Variants in LRP1B observed in about 807,000 individuals in gnomAD.
LRP1B encodes low-density lipoprotein receptor-related protein 1B.
LRP1B carries 217 observed loss-of-function variants against 556.6 expected under a neutral mutation model. The observed-to-expected ratio is 0.39, with a 90% confidence interval of 0.35 to 0.44. The LOEUF (loss-of-function observed/expected upper bound fraction) is 0.44. Among genes scored for constraint, LRP1B ranks in the 20% least tolerant of loss-of-function variants. The pLI is 1.00. For missense variants in LRP1B, 5,053 were observed against 5,620.8 expected (o/e 0.90, Z 3.23); for synonymous variants, 2,047 against 1,865.8 (o/e 1.10, Z -2.50).
intron 25 of LRP1B, among the ~76,000 whole-genome samples, chr2:140,882,372 G>A (rs1693502027): frequency 6.6e-6 from 1 of 152,144 alleles, no homozygotes; most frequent in Non-Finnish European, 1.5e-5. Context: ...TGTTATTACA[G>A]GAAGTAATGG....
At chr2:141,676,915 T>C (rs1690905098) in intron 2 of LRP1B, among the ~76,000 whole-genome samples, 2 of 152,286 alleles carry the variant, frequency 1.3e-5, no homozygotes, top group Admixed American at 6.5e-5. Context: ...TTCTAGAATT[T>C]AGAGATGCAA....
chr2:140,607,632 TAC>T (rs3061367), intron 41 of LRP1B, among the ~76,000 whole-genome samples: 13,432 of 143,044 alleles, frequency 0.094, 866 homozygotes, highest in African/African-American at 0.18. Context: ...CCCCTCTCTT[TAC>T]ACACACACAC....
chr2:141,971,402 C>T lies in LRP1B; in HGVS notation c.82+159246G>A, dbSNP rs76681664. Among the ~76,000 whole-genome samples the T allele has an allele frequency of 5.1e-3, 780 of 151,560 alleles. 7 individuals are homozygous for T. Among genetic ancestry groups the T allele is most frequent in the African/African-American group, 0.018 (744 of 41,498 alleles). ...CATATCCTAAGGACATCCTTGTCTT[C>T]GTACACCCTTTGTTTTAGCCCATCT... On this transcript the variant is annotated intron_variant, in intron 1 of 90. Transcript: ENST00000389484.
intron 3 of LRP1B, among the ~76,000 whole-genome samples, chr2:141,370,266 C>T (rs944855759): frequency 6.6e-6 from 1 of 152,146 alleles, no homozygotes; most frequent in African/African-American, 2.4e-5. Flanking sequence ...TTCCCACCAA[C>T]AGTATATAAG....
At position 140,474,609 on chromosome 2, in the gene LRP1B, A is replaced by G. The variant is rs138198272; in HGVS notation, c.9625+529T>C. 4.6e-5 allele frequency among the ~76,000 whole-genome samples: 7 copies of G among 152,040 alleles called. No homozygotes were observed. The East Asian group carries it at 1.2e-3, about 25-fold the overall frequency. ...TTGAGTCATTTGTGGCTTCTGCTAT[A>G]TCCGTGTCATGTTTAACTATACGTG... On this transcript the variant is annotated intron_variant, in intron 60 of 90. Transcript: ENST00000389484.
intron 3 of LRP1B, among the ~76,000 whole-genome samples, chr2:141,433,914 T>C (rs563848597): frequency 2.0e-5 from 3 of 151,540 alleles, no homozygotes; most frequent in South Asian, 2.1e-4. Context: ...TTCAGTACTT[T>C]GAACATGTCA....
chr2:141,244,897 CA>C (rs1451236724), intron 5 of LRP1B, among the ~76,000 whole-genome samples: 3 of 152,058 alleles, frequency 2.0e-5, no homozygotes, highest in African/African-American at 7.2e-5. Flanking sequence ...TGTCATCAAG[CA>C]AAAGACCTAG....
chr2:141,009,796 A>T (rs7569762), intron 14 of LRP1B, among the ~76,000 whole-genome samples: 3,646 of 152,108 alleles, frequency 0.024, 113 homozygotes, highest in East Asian at 0.12. Context: ...ACAATGACCA[A>T]AAAAGATTCA....
chr2:141,073,534 C>T lies in LRP1B; in HGVS notation c.1014-11261G>A, dbSNP rs551749151. Among the ~76,000 whole-genome samples, 5 of 152,208 alleles carry T rather than the reference C, an allele frequency of 3.3e-5. No individual in the cohort carries two copies. In the South Asian group the frequency reaches 1.0e-3, roughly 32 times the overall value. Reference sequence around the variant, plus strand: ...CAATCTTGAATGTTCCCATGACTTTCATTAATGTTACAATAACTCACTAAT... The same window carrying T: ...CAATCTTGAATGTTCCCATGACTTTTATTAATGTTACAATAACTCACTAAT... On this transcript the variant is annotated intron_variant, in intron 7 of 90. Transcript: ENST00000389484.
chr2:140,541,737 T>C, intron 44 of LRP1B, 42 bp downstream of exon 44: 1 of 1,449,654 alleles, frequency 6.9e-7, no homozygotes, highest in Non-Finnish European at 9.6e-7. Flanking sequence ...AGATCAGAGA[T>C]TATACAATGA....
chr2:141,029,174 G>A (rs1315744887), intron 11 of LRP1B, among the ~76,000 whole-genome samples: 1 of 152,072 alleles, frequency 6.6e-6, no homozygotes. Context: ...GAGTTACAGG[G>A]CTATTATAGG....
rs576153973 is a variant in LRP1B at position 141,224,634 on chromosome 2, C to T, written c.850+4549G>A. Among the ~76,000 whole-genome samples the T allele has an allele frequency of 4.6e-5, 7 of 152,130 alleles. No individual in the cohort carries two copies. In the South Asian group the frequency reaches 8.3e-4, roughly 18 times the overall value. On this transcript the variant is annotated intron_variant, in intron 6 of 90. Transcript: ENST00000389484. ...TACATATATATCATGGAATACTATG[C>T]GGCCATAAAAAAGACAGATTATTTT...
At chr2:140,249,727 CATT>C (rs1260293334) in intron 86 of LRP1B, among the ~76,000 whole-genome samples, 2 of 151,726 alleles carry the variant, frequency 1.3e-5, no homozygotes, top group South Asian at 2.1e-4. Flanking sequence ...AAATAGAAAT[CATT>C]ATTCTTGTTT....
intron 2 of LRP1B, among the ~76,000 whole-genome samples, chr2:141,685,979 G>A (rs1691287287): frequency 1.3e-5 from 2 of 151,900 alleles, no homozygotes; most frequent in Admixed American, 6.6e-5. Context: ...CAATTTCTCA[G>A]GTAACATCAC....
chr2:140,324,481 T>C (rs1405691768), intron 80 of LRP1B, among the ~76,000 whole-genome samples: 1 of 152,066 alleles, frequency 6.6e-6, no homozygotes, highest in African/African-American at 2.4e-5. Context: ...AAATGACTGG[T>C]TTATTAAGCA....
chr2:141,149,639 A>G (rs1281035403), intron 7 of LRP1B, among the ~76,000 whole-genome samples: 9 of 152,126 alleles, frequency 5.9e-5, no homozygotes, highest in African/African-American at 9.7e-5. Flanking sequence ...ATGTTCCCCA[A>G]ACTACCAAGG....
At chr2:140,909,895 G>T (rs1694365726) in intron 21 of LRP1B, among the ~76,000 whole-genome samples, 1 of 150,628 alleles carries the variant, frequency 6.6e-6, no homozygotes, top group African/African-American at 2.4e-5. Context: ...AAATGTACAA[G>T]AACTATACAA....
intron 45 of LRP1B, among the ~76,000 whole-genome samples, chr2:140,538,158 T>C (rs1679998245): frequency 6.6e-6 from 1 of 152,138 alleles, no homozygotes; most frequent in South Asian, 2.1e-4. Context: ...GTTTTATTTA[T>C]TTATTATTCC....
chr2:141,098,899 C>T lies in LRP1B; in HGVS notation c.1014-36626G>A, dbSNP rs192061090. On this transcript the variant is annotated intron_variant, in intron 7 of 90. Transcript: ENST00000389484. The stretch of plus-strand genomic sequence containing the variant: ...CTTGAACTCCCGATCTCAGGTAATC[C>T]GCCCGCCTCAGCCTCTCAAAGTGCT... 8.5e-3 allele frequency among the ~76,000 whole-genome samples: 1,295 copies of T among 152,142 alleles called. 17 individuals carry two copies. The highest frequency in any genetic ancestry group is 0.028 in the African/African-American group (1,173 of 41,510).
Sources: gnomAD v4.1 joint callset for allele counts (sites outside exome capture counted in the v4.1 genomes callset) on GRCh38, gnomAD v4.1.1 for gene constraint, MANE v1.5 for transcripts, NCBI Gene and HGNC (gene_info 2026-07-23, HGNC 2026-07-21) for gene names.